Variants in NRXN3 observed in about 807,000 individuals in gnomAD.
NRXN3 encodes the protein neurexin III.
A neutral mutation model predicts 137.6 loss-of-function variants in NRXN3; 32 were observed. The ratio of observed to expected loss-of-function variants is 0.23; its 90% CI spans 0.18 to 0.31. NRXN3 has a LOEUF of 0.31. Ranked by LOEUF, NRXN3 falls within the 10% of genes least tolerant of loss-of-function variation. NRXN3 has a pLI of 1.00. For synonymous variants in NRXN3, 798 were observed against 784.5 expected, an observed-to-expected ratio of 1.02 and a Z score of -0.29; for missense variants, 1,574 against 2,062.5, an observed-to-expected ratio of 0.76 and a Z score of 4.59.
rs186281754 is a variant in NRXN3 at position 78,581,480 on chromosome 14, G to A, written c.758-63640G>A. Reference sequence around the variant, plus strand: ...TGCTAATGCCACTCACGAGGGTTCTGCCCTCATGGTTTAACTACTTCCCCA... The same window carrying A: ...TGCTAATGCCACTCACGAGGGTTCTACCCTCATGGTTTAACTACTTCCCCA... On this transcript the variant is annotated intron_variant, in intron 4 of 20. Transcript: ENST00000335750. Among the ~76,000 whole-genome samples, 33 of 152,238 alleles carry A rather than the reference G, an allele frequency of 2.2e-4. No individual in the cohort carries two copies. In the East Asian group the frequency reaches 5.8e-3, roughly 27 times the overall value.
At chr14:79,767,485 G>C (rs1276280956) in intron 19 of NRXN3, among the ~76,000 whole-genome samples, 1 of 152,104 alleles carries the variant, frequency 6.6e-6, no homozygotes, top group Non-Finnish European at 1.5e-5. Flanking sequence ...CTCTTTTACA[G>C]TGCTATAAAT....
chr14:79,823,850 C>A (rs747338933), intron 20 of NRXN3: 115 of 421,462 alleles, frequency 2.7e-4, no homozygotes, highest in Middle Eastern at 6.8e-4. Context: ...ATATGCAGGG[C>A]TCTATATAGC....
chr14:78,785,362 A>G (rs2098785725), intron 8 of NRXN3, among the ~76,000 whole-genome samples: 1 of 152,124 alleles, frequency 6.6e-6, no homozygotes, highest in African/African-American at 2.4e-5. Context: ...AATTAATGCT[A>G]TGTACCCTCT....
At chr14:78,656,525 G>A (rs929129767) in intron 6 of NRXN3, among the ~76,000 whole-genome samples, 2 of 152,136 alleles carry the variant, frequency 1.3e-5, no homozygotes, top group African/African-American at 2.4e-5. Context: ...TGGTAGCTGC[G>A]GTTAGGTAGG....
chr14:79,638,438 A>G (rs909936315), intron 16 of NRXN3, among the ~76,000 whole-genome samples: 1 of 152,226 alleles, frequency 6.6e-6, no homozygotes, highest in African/African-American at 2.4e-5. Flanking sequence ...GTGACGTATG[A>G]GTAGAACAGA....
intron 4 of NRXN3, among the ~76,000 whole-genome samples, chr14:78,391,203 G>A (rs926914906): frequency 3.3e-5 from 5 of 152,150 alleles, no homozygotes. Context: ...TTACACAGGA[G>A]TACAGAAGTT....
intron 16 of NRXN3, among the ~76,000 whole-genome samples, chr14:79,494,822 G>A (rs933148184): frequency 6.6e-6 from 1 of 152,116 alleles, no homozygotes; most frequent in Non-Finnish European, 1.5e-5. Flanking sequence ...AATACAATTT[G>A]CTCAGATAAT....
intron 15 of NRXN3, chr14:79,072,542 A>T (rs1437357660): frequency 2.0e-5 from 3 of 152,182 alleles, no homozygotes; most frequent in African/African-American, 7.2e-5. Flanking sequence ...AGCATAACGG[A>T]GATAATACAA....
chr14:78,627,346 C>A (rs75219752), intron 4 of NRXN3, among the ~76,000 whole-genome samples: 33 of 152,162 alleles, frequency 2.2e-4, no homozygotes, highest in Non-Finnish European at 3.1e-4. Context: ...GCATTCTCTC[C>A]CTGAAGTCAT....
intron 15 of NRXN3, among the ~76,000 whole-genome samples, chr14:79,066,033 A>AT (rs2099680310): frequency 6.6e-6 from 1 of 152,058 alleles, no homozygotes; most frequent in Non-Finnish European, 1.5e-5. Context: ...TTTGGTTGCA[A>AT]TTGCTTTTGG....
In NRXN3 at chr14:78,885,872, AT is replaced by A. The variant is rs2099142171; in HGVS notation, c.2276-71368del. Among the ~76,000 whole-genome samples the A allele has an allele frequency of 1.3e-5, 2 of 152,056 alleles. 1 individual carries two copies. The highest frequency in any genetic ancestry group is 4.2e-4 in the South Asian group (2 of 4,814). On this transcript the variant is annotated intron_variant, in intron 10 of 20. Transcript: ENST00000335750. ...AAAAGAGTTTAATTTTGGTATTAGT[AT>A]TGCTCACTCACATAAAGCCCAAGCA...
chr14:78,704,184 A>G (rs1309215615), intron 6 of NRXN3, among the ~76,000 whole-genome samples: 1 of 152,220 alleles, frequency 6.6e-6, no homozygotes, highest in Non-Finnish European at 1.5e-5. Flanking sequence ...GAAGAATTTG[A>G]AGTAATAAGT....
At chr14:78,347,658 T>C (rs111559425) in intron 4 of NRXN3, among the ~76,000 whole-genome samples, 80 of 152,282 alleles carry the variant, frequency 5.3e-4, no homozygotes, top group African/African-American at 1.9e-3. Flanking sequence ...CAAAACTCTC[T>C]GATTATTTAT....
Position 78,628,157 on chromosome 14 carries a change from C to T in NRXN3, c.758-16963C>T, listed in dbSNP as rs1192263000. On this transcript the variant is annotated intron_variant, in intron 4 of 20. Transcript: ENST00000335750. Reference sequence around the variant, plus strand: ...GTGTGATCATGACTCACTGCAGCCTCGAACTCCTGGGCTCAAACAACACTC... The same window carrying T: ...GTGTGATCATGACTCACTGCAGCCTTGAACTCCTGGGCTCAAACAACACTC... Among the ~76,000 whole-genome samples, 4 of 151,428 alleles carry T rather than the reference C, an allele frequency of 2.6e-5. No individual in the cohort carries two copies. In the East Asian group the frequency reaches 5.8e-4, roughly 22 times the overall value.
rs374019541 is a variant in NRXN3, at chr14:79,700,660, G to A, written c.4014+2723G>A. Among the ~76,000 whole-genome samples, 6 of 152,182 alleles carry A rather than the reference G, an allele frequency of 3.9e-5. No individual in the cohort carries two copies. The South Asian group carries it at 1.2e-3, about 31-fold the overall frequency. ...ATTTCAGATCAAAGGAAAACTGTAA[G>A]GTGCTTTCAGTGCTGCTTTTAACCG... On this transcript the variant is annotated intron_variant, in intron 19 of 20. Transcript: ENST00000335750.
intron 16 of NRXN3, among the ~76,000 whole-genome samples, chr14:79,629,658 A>C (rs2098322663): frequency 6.6e-6 from 1 of 152,174 alleles, no homozygotes; most frequent in Admixed American, 6.5e-5. Context: ...GCTAATAGGG[A>C]GTAAGCAGGG....
chr14:79,455,188 T>C (rs1011202878), intron 15 of NRXN3, among the ~76,000 whole-genome samples: 3 of 152,252 alleles, frequency 2.0e-5, no homozygotes, highest in African/African-American at 7.2e-5. Context: ...TATTGGTCTC[T>C]GGTGAGAATC....
intron 4 of NRXN3, among the ~76,000 whole-genome samples, chr14:78,344,065 T>G (rs1250787488): frequency 6.6e-6 from 1 of 152,208 alleles, no homozygotes. Context: ...TTTTGAACTT[T>G]CTTGATGATT....
At chr14:79,756,551 C>CTT (rs2099020221) in intron 19 of NRXN3, among the ~76,000 whole-genome samples, 1 of 152,172 alleles carries the variant, frequency 6.6e-6, no homozygotes, top group Non-Finnish European at 1.5e-5. Context: ...GTCACATCAG[C>CTT]ATGTACCAAT....
Sources: allele counts gnomAD v4.1 joint callset (sites outside exome capture counted in the v4.1 genomes callset), GRCh38; gene constraint gnomAD v4.1.1; transcripts MANE v1.5; gene names NCBI Gene and HGNC (gene_info 2026-07-23, HGNC 2026-07-21).